Variants in VTI1A observed in about 807,000 individuals in gnomAD.
The protein encoded by VTI1A is vesicle transport through interaction with t-SNAREs 1A, also known as vesicle transport through interaction with t-SNAREs homolog 1A.
In VTI1A, 22 loss-of-function variants were observed where a neutral mutation model predicts 34.9. That is an observed-to-expected ratio of 0.63 (90% CI 0.45 to 0.90). The LOEUF is 0.90. VTI1A is among the 40% of genes least tolerant of loss of function. VTI1A has a pLI of 0.00. For missense variants in VTI1A, 268 were observed against 275.6 expected (o/e 0.97, Z 0.20); for synonymous variants, 87 against 97.3 (o/e 0.89, Z 0.62).
intron 5 of VTI1A, among the ~76,000 whole-genome samples, chr10:112,563,123 T>G (rs1851784495): frequency 6.6e-6 from 1 of 152,212 alleles, no homozygotes; most frequent in Admixed American, 6.5e-5. Flanking sequence ...GTTTACGGCT[T>G]AATTTTAATC....
chr10:112,815,761 G>A lies in VTI1A; in HGVS notation c.*378G>A, dbSNP rs1230089435. ...TCACGAGAGCTTCTGTTTGTCACCC[G>A]CCTCTTGTTGCTGAAAAGCTCTTCT... On this transcript the variant is annotated 3_prime_UTR_variant, in exon 8 of 8. Coordinates refer to ENST00000393077, the MANE Select transcript of VTI1A (RefSeq NM_145206.4). The A allele has an allele frequency of 4.0e-5, 11 of 273,788 alleles. No homozygotes were observed. The highest frequency in any genetic ancestry group is 3.3e-4 in the East Asian group (6 of 18,352). The allele number at this position is 273,788 out of a possible 1,614,324, so 17.0% of individuals were successfully genotyped here. A position where few individuals can be genotyped will look rare whatever the true frequency, so the allele number is the denominator to read the frequency against.
intron 7 of VTI1A, among the ~76,000 whole-genome samples, chr10:112,732,862 A>G (rs1435348455): frequency 6.6e-6 from 1 of 152,060 alleles, no homozygotes; most frequent in Non-Finnish European, 1.5e-5. Context: ...TCCCTCTGAT[A>G]TGTTTTCACA....
chr10:112,505,710 G>A (rs1040476349), intron 3 of VTI1A, among the ~76,000 whole-genome samples: 2 of 147,174 alleles, frequency 1.4e-5, no homozygotes, highest in African/African-American at 5.1e-5. Flanking sequence ...GTCTTGTTCT[G>A]TCACCCAGGC....
rs551747793 is a variant in VTI1A at position 112,466,705 on chromosome 10, CTT to C, written c.264+2051_264+2052del. ...TGCTTACCTCATTTTTAATGGAACT[CTT>C]TTCTGAAGATTTTTCTTATGGGTTC... is the stretch of plus-strand genomic sequence containing the variant. On this transcript the variant is annotated intron_variant, in intron 3 of 7. Coordinates refer to ENST00000393077, the MANE Select transcript of VTI1A (RefSeq NM_145206.4). 3.3e-5 allele frequency among the ~76,000 whole-genome samples: 5 copies of C among 152,230 alleles called. 1 individual carries two copies. The East Asian group carries it at 9.7e-4, about 29-fold the overall frequency.
chr10:112,661,621 G>C (rs944372343), intron 5 of VTI1A, among the ~76,000 whole-genome samples: 1 of 152,080 alleles, frequency 6.6e-6, no homozygotes, highest in Non-Finnish European at 1.5e-5. Flanking sequence ...ATTGCTGGAC[G>C]TGGAATAATA....
intron 5 of VTI1A, among the ~76,000 whole-genome samples, chr10:112,658,398 T>A (rs558518849): frequency 1.3e-4 from 20 of 152,304 alleles, no homozygotes; most frequent in South Asian, 1.0e-3. Context: ...ATTTGTGCCA[T>A]TACTTTTACA....
chr10:112,835,393 G>T, the VTI1A span, among the ~76,000 whole-genome samples: 2,795 of 152,292 alleles, frequency 0.018, 38 homozygotes, highest in Non-Finnish European at 0.027. Context: ...CCTATCTGGG[G>T]GGCCTTCGAG....
intron 5 of VTI1A, among the ~76,000 whole-genome samples, chr10:112,553,509 G>A (rs186880850): frequency 8.3e-4 from 126 of 152,278 alleles, no homozygotes; most frequent in African/African-American, 2.8e-3. Flanking sequence ...AACCCCAGTC[G>A]CCCCAGTGGC....
chr10:112,850,151 A>G, the VTI1A span, among the ~76,000 whole-genome samples: 1 of 152,178 alleles, frequency 6.6e-6, no homozygotes, highest in Non-Finnish European at 1.5e-5. Context: ...CGTTTTTCCC[A>G]GAACATTTCA....
chr10:112,664,906 A>G (rs1479777426), intron 5 of VTI1A, among the ~76,000 whole-genome samples: 1 of 152,184 alleles, frequency 6.6e-6, no homozygotes, highest in East Asian at 1.9e-4. Flanking sequence ...ATCAGTTTTC[A>G]TTGCCTTGTT....
intron 1 of VTI1A, among the ~76,000 whole-genome samples, chr10:112,451,225 G>A (rs900585881): frequency 3.9e-5 from 6 of 152,050 alleles, no homozygotes; most frequent in Non-Finnish European, 7.4e-5. Context: ...CTCCTCCATC[G>A]GTAGAATGGG....
chr10:112,839,186 T>G, the VTI1A span, among the ~76,000 whole-genome samples: 1 of 152,190 alleles, frequency 6.6e-6, no homozygotes, highest in Non-Finnish European at 1.5e-5. Context: ...TCACAGGGTA[T>G]TTCCTGAGCC....
At chr10:112,837,049 G>T in the VTI1A span, among the ~76,000 whole-genome samples, 2 of 152,216 alleles carry the variant, frequency 1.3e-5, no homozygotes, top group African/African-American at 4.8e-5. Flanking sequence ...GGGGCTGGAG[G>T]TGGTGGCCCA....
At chr10:112,698,931 G>A (rs1035584786) in intron 7 of VTI1A, among the ~76,000 whole-genome samples, 6 of 152,098 alleles carry the variant, frequency 3.9e-5, no homozygotes, top group Admixed American at 1.3e-4. Context: ...GAAAATCCTC[G>A]CGGAGATGAC....
At chr10:112,762,924 G>T (rs1851519407) in intron 7 of VTI1A, among the ~76,000 whole-genome samples, 1 of 152,068 alleles carries the variant, frequency 6.6e-6, no homozygotes, top group Admixed American at 6.6e-5. Context: ...CAAAAGATCT[G>T]GGCCAATGCT....
chr10:112,823,201 G>A (rs1302785180), downstream of VTI1A, among the ~76,000 whole-genome samples: 3 of 152,240 alleles, frequency 2.0e-5, no homozygotes, highest in Non-Finnish European at 4.4e-5. Flanking sequence ...GCTGACACTT[G>A]CCTGCAGGTG....
intron 5 of VTI1A, among the ~76,000 whole-genome samples, chr10:112,566,221 C>T (rs1198921165): frequency 1.3e-5 from 2 of 152,064 alleles, no homozygotes; most frequent in East Asian, 3.8e-4. Context: ...TATTATTACA[C>T]ACTGCATTTT....
At chr10:112,492,624 A>G (rs1848868530) in intron 3 of VTI1A, among the ~76,000 whole-genome samples, 1 of 152,014 alleles carries the variant, frequency 6.6e-6, no homozygotes, top group East Asian at 1.9e-4. Flanking sequence ...TGTCTCTACA[A>G]AAAAATACAA....
At position 112,489,972 on chromosome 10, in the gene VTI1A, C is replaced by G. The variant is rs139189709; in HGVS notation, c.264+25315C>G. ...GAAAATTGAGCTGTTGCTGAGCCAC[C>G]ATTCTAACGTCAAATAAAAGATTTG... On this transcript the variant is annotated intron_variant, in intron 3 of 7. Coordinates refer to ENST00000393077, the MANE Select transcript of VTI1A (RefSeq NM_145206.4). Among the ~76,000 whole-genome samples the G allele has an allele frequency of 2.0e-3, 300 of 152,258 alleles. 5 individuals carry two copies. The South Asian group carries it at 0.034, about 17-fold the overall frequency.
Sources: gnomAD v4.1 joint callset for allele counts (sites outside exome capture counted in the v4.1 genomes callset) on GRCh38, gnomAD v4.1.1 for gene constraint, MANE v1.5 for transcripts, NCBI Gene and HGNC (gene_info 2026-07-23, HGNC 2026-07-21) for gene names.